Variants in STK39 observed in about 807,000 individuals in gnomAD.
STK39 encodes the protein serine/threonine kinase 39, also known as STE20/SPS1-related proline-alanine-rich protein kinase.
STK39 carries 20 observed loss-of-function variants against 77.8 expected under a neutral mutation model. The ratio of observed to expected loss-of-function variants is 0.26; its 90% CI spans 0.18 to 0.37. STK39 has a LOEUF of 0.37. Ranked by LOEUF, STK39 falls within the 10% of genes least tolerant of loss-of-function variation. STK39 has a pLI of 1.00. For synonymous variants in STK39, 246 were observed against 234.1 expected (o/e 1.05, Z -0.47); for missense variants, 479 against 656.5 (o/e 0.73, Z 2.95).
chr2:168,075,016 A>T lies in STK39; in HGVS notation c.1213-5T>A. The stretch of plus-strand genomic sequence containing the variant: ...TTCTTCTTTTACTCTTCGTGACTGT[A>T]AAACAATTATGTATCCATTAATATA... On this transcript the variant is annotated splice_polypyrimidine_tract_variant and splice_region_variant and intron_variant, in intron 11 of 17. Coordinates refer to ENST00000355999, the MANE Select transcript of STK39 (RefSeq NM_013233.3). The T allele has an allele frequency of 1.9e-6, 3 of 1,613,972 alleles. No individual in the cohort carries two copies. The highest frequency in any genetic ancestry group is 2.5e-6 in the Non-Finnish European group (3 of 1,179,996).
Position 168,098,015 on chromosome 2 carries a change from C to G in STK39, c.1090-22784G>C, listed in dbSNP as rs190143581. Among the ~76,000 whole-genome samples the G allele has an allele frequency of 6.6e-5, 10 of 152,286 alleles. No homozygotes were observed. In the East Asian group the frequency reaches 1.9e-3, roughly 29 times the overall value. On this transcript the variant is annotated intron_variant, in intron 10 of 17. Transcript: ENST00000355999. The stretch of plus-strand genomic sequence containing the variant: ...GATTTTCTAGAAGCCTCATAGCAAA[C>G]GAACACTAACCCTTTCTTAGAAATC...
At chr2:168,197,299 A>C (rs1689496557) in intron 1 of STK39, among the ~76,000 whole-genome samples, 1 of 152,246 alleles carries the variant, frequency 6.6e-6, no homozygotes, top group South Asian at 2.1e-4. Flanking sequence ...CTAAATATGT[A>C]ATCGCCTCTA....
At chr2:168,245,618 A>G (rs1690877724) in intron 1 of STK39, among the ~76,000 whole-genome samples, 2 of 152,250 alleles carry the variant, frequency 1.3e-5, no homozygotes, top group Non-Finnish European at 2.9e-5. Context: ...AGCCTCTGCA[A>G]GGCAGCAAAG....
At chr2:168,170,792 TCTAACTGGAGGAGAGG>T (rs1221533813) in intron 2 of STK39, among the ~76,000 whole-genome samples, 2 of 151,738 alleles carry the variant, frequency 1.3e-5, no homozygotes, top group Non-Finnish European at 2.9e-5. Context: ...TGGAGGAGAG[TCTAACTGGAGGAGAGG>T]GGTAAGAAGC....
intron 17 of STK39, among the ~76,000 whole-genome samples, chr2:167,957,236 G>C (rs1691811141): frequency 6.6e-6 from 1 of 152,122 alleles, no homozygotes; most frequent in Non-Finnish European, 1.5e-5. Context: ...ATATTAATCA[G>C]TATTTAAAGA....
chr2:168,119,276 T>C (rs1559106388), intron 10 of STK39, among the ~76,000 whole-genome samples: 1 of 152,112 alleles, frequency 6.6e-6, no homozygotes, highest in Non-Finnish European at 1.5e-5. Flanking sequence ...CCTTCACTGT[T>C]ATTATTGTAC....
At chr2:168,106,070 C>T (rs911581071) in intron 10 of STK39, among the ~76,000 whole-genome samples, 2 of 152,198 alleles carry the variant, frequency 1.3e-5, no homozygotes, top group African/African-American at 4.8e-5. Flanking sequence ...GCAAATGATT[C>T]TCCTGCCTCA....
intron 14 of STK39, among the ~76,000 whole-genome samples, chr2:168,028,980 T>C (rs1684769259): frequency 6.6e-6 from 1 of 152,238 alleles, no homozygotes; most frequent in Non-Finnish European, 1.5e-5. Flanking sequence ...CTGAGATAAA[T>C]GCATTTTTAA....
At chr2:168,132,739 C>T (rs1687731678) in intron 8 of STK39, among the ~76,000 whole-genome samples, 2 of 152,138 alleles carry the variant, frequency 1.3e-5, no homozygotes, top group Non-Finnish European at 2.9e-5. Context: ...CCCACATTCC[C>T]ATCATGTATT....
chr2:168,217,232 AG>A (rs1220577239), intron 1 of STK39, among the ~76,000 whole-genome samples: 9 of 152,212 alleles, frequency 5.9e-5, no homozygotes, highest in Non-Finnish European at 1.2e-4. Flanking sequence ...TAAGTCACAC[AG>A]GGAACATGTT....
intron 1 of STK39, among the ~76,000 whole-genome samples, chr2:168,202,389 A>G (rs1203132143): frequency 6.6e-6 from 1 of 152,238 alleles, no homozygotes; most frequent in African/African-American, 2.4e-5. Context: ...TTGTTAGTAC[A>G]GACACATTCA....
intron 1 of STK39, among the ~76,000 whole-genome samples, chr2:168,235,039 A>G (rs1011220402): frequency 1.3e-4 from 19 of 141,070 alleles, no homozygotes; most frequent in Admixed American, 1.1e-3. Flanking sequence ...TGAGTCAATA[A>G]TTTTTTTTTT....
At chr2:168,202,721 A>C (rs1689640640) in intron 1 of STK39, among the ~76,000 whole-genome samples, 1 of 152,156 alleles carries the variant, frequency 6.6e-6, no homozygotes, top group South Asian at 2.1e-4. Context: ...CAACTTCAGA[A>C]ACATAATATG....
chr2:168,110,621 C>CTA (rs1687097197), intron 10 of STK39, among the ~76,000 whole-genome samples: 1 of 152,154 alleles, frequency 6.6e-6, no homozygotes, highest in African/African-American at 2.4e-5. Context: ...CCACACAGAT[C>CTA]TATAATACAT....
intron 1 of STK39, among the ~76,000 whole-genome samples, chr2:168,192,808 C>T (rs1461901225): frequency 1.3e-5 from 2 of 152,200 alleles, no homozygotes; most frequent in African/African-American, 4.8e-5. Flanking sequence ...TTATCCCAGA[C>T]ACCTGGATAG....
At chr2:168,013,150 C>A (rs1392282982) in intron 15 of STK39, among the ~76,000 whole-genome samples, 1 of 152,156 alleles carries the variant, frequency 6.6e-6, no homozygotes, top group Admixed American at 6.5e-5. Flanking sequence ...GTATTTTGTA[C>A]AAACAGCCTA....
chr2:167,969,819 G>A (rs1314954056), intron 16 of STK39, among the ~76,000 whole-genome samples: 1 of 152,144 alleles, frequency 6.6e-6, no homozygotes, highest in East Asian at 1.9e-4. Flanking sequence ...CTAACATGTA[G>A]GCAGACCATG....
intron 1 of STK39, among the ~76,000 whole-genome samples, chr2:168,195,853 C>A (rs560056887): frequency 1.3e-5 from 2 of 152,264 alleles, no homozygotes; most frequent in South Asian, 4.1e-4. Context: ...CCCATCTCTA[C>A]TAAAAATCAA....
At chr2:167,989,874 A>T (rs561394609) in intron 16 of STK39, among the ~76,000 whole-genome samples, 12 of 152,294 alleles carry the variant, frequency 7.9e-5, no homozygotes, top group East Asian at 3.9e-4. Context: ...CAGTAAAAAA[A>T]AATCATGATT....
Sources: gnomAD v4.1 joint callset for allele counts (sites outside exome capture counted in the v4.1 genomes callset) on GRCh38, gnomAD v4.1.1 for gene constraint, MANE v1.5 for transcripts, NCBI Gene and HGNC (gene_info 2026-07-23, HGNC 2026-07-21) for gene names.